RNF216: variants seen among roughly 807,000 people sequenced by gnomAD.
The protein encoded by RNF216 is E3 ubiquitin-protein ligase RNF216.
Under a neutral mutation model 110.8 loss-of-function variants are expected in RNF216, and 72 were observed. That is an observed-to-expected ratio of 0.65 (90% CI 0.54 to 0.79). RNF216 has a LOEUF of 0.79. RNF216 is among the 30% of genes least tolerant of loss of function. RNF216 has a pLI of 0.00. For missense variants in RNF216, 1,342 were observed against 1,141.2 expected, an observed-to-expected ratio of 1.18 and a Z score of -2.54; for synonymous variants, 495 against 407.5, an observed-to-expected ratio of 1.21 and a Z score of -2.59.
At position 5,644,009 on chromosome 7, in the gene RNF216, C is replaced by G. The variant is rs1177654259; in HGVS notation, c.2160-2633G>C. On this transcript the variant is annotated intron_variant, in intron 14 of 16. Transcript: ENST00000389902. The stretch of plus-strand genomic sequence containing the variant: ...TTTTCTAGGTTCACCTATGTTGTAG[C>G]ATGTATCGATACTTCATTCCTTTTT... Among the ~76,000 whole-genome samples, 5 of 152,304 alleles carry G rather than the reference C, an allele frequency of 3.3e-5. No individual in the cohort carries two copies. The South Asian group carries it at 8.3e-4, about 25-fold the overall frequency.
At chr7:5,763,706 A>T (rs1436648989) in intron 1 of RNF216, among the ~76,000 whole-genome samples, 1 of 152,014 alleles carries the variant, frequency 6.6e-6, no homozygotes, top group African/African-American at 2.4e-5. Flanking sequence ...AGTAGCTGGG[A>T]CCACAGGCAT....
At chr7:5,712,596 G>T in intron 12 of RNF216, 119 bp downstream of exon 12, 4 of 974,642 alleles carry the variant, frequency 4.1e-6, no homozygotes, top group Non-Finnish European at 4.6e-6. Context: ...TTATTTCTCA[G>T]CAAGAAATGT....
chr7:5,759,434 A>T (rs1302936409), intron 2 of RNF216, among the ~76,000 whole-genome samples: 1 of 152,142 alleles, frequency 6.6e-6, no homozygotes, highest in Non-Finnish European at 1.5e-5. Context: ...CTTCCACTTA[A>T]GGAACAGTAA....
chr7:5,769,905 C>A (rs1019427053), intron 1 of RNF216, among the ~76,000 whole-genome samples: 5 of 149,226 alleles, frequency 3.4e-5, no homozygotes, highest in African/African-American at 7.4e-5. Context: ...GGCTTGGTGG[C>A]GAGTGCTTGT....
chr7:5,731,414 C>G (rs1462382605), intron 5 of RNF216, among the ~76,000 whole-genome samples: 2 of 145,162 alleles, frequency 1.4e-5, no homozygotes, highest in African/African-American at 5.7e-5. Context: ...TTCCTATGAA[C>G]AGACTCTCTT....
At chr7:5,699,866 C>G (rs764691233) in intron 13 of RNF216, among the ~76,000 whole-genome samples, 9 of 152,300 alleles carry the variant, frequency 5.9e-5, no homozygotes, top group Non-Finnish European at 1.2e-4. Flanking sequence ...CAGAGACCCT[C>G]TGTATTCTTT....
chr7:5,760,191 T>C (rs1277387881), intron 2 of RNF216, among the ~76,000 whole-genome samples: 1 of 152,114 alleles, frequency 6.6e-6, no homozygotes, highest in African/African-American at 2.4e-5. Flanking sequence ...CTATTCCCTT[T>C]ACAAATCAAT....
chr7:5,709,757 A>T (rs1208832510), intron 13 of RNF216, among the ~76,000 whole-genome samples: 5 of 152,200 alleles, frequency 3.3e-5, no homozygotes, highest in African/African-American at 7.2e-5. Flanking sequence ...TTTATTTTTT[A>T]AATTTTTTTC....
intron 5 of RNF216, among the ~76,000 whole-genome samples, chr7:5,734,807 A>C (rs1794296155): frequency 8.6e-6 from 1 of 116,322 alleles, no homozygotes; most frequent in African/African-American, 3.0e-5. Flanking sequence ...TTGGGCGACA[A>C]GGGCAAAACT....
At chr7:5,693,162 A>G (rs1791435773) in intron 13 of RNF216, among the ~76,000 whole-genome samples, 1 of 152,240 alleles carries the variant, frequency 6.6e-6, no homozygotes, top group Non-Finnish European at 1.5e-5. Flanking sequence ...GCCCTCTGCC[A>G]ATTTTTGTAA....
At chr7:5,634,536 C>T (rs1185381438) in intron 15 of RNF216, among the ~76,000 whole-genome samples, 2 of 152,150 alleles carry the variant, frequency 1.3e-5, no homozygotes, top group East Asian at 1.9e-4. Context: ...GCACATGCTG[C>T]GCAGCTGTGG....
At chr7:5,766,382 T>C (rs774847661) in intron 1 of RNF216, among the ~76,000 whole-genome samples, 12 of 152,282 alleles carry the variant, frequency 7.9e-5, no homozygotes, top group Non-Finnish European at 1.2e-4. Flanking sequence ...CAAATTCCTA[T>C]ATTGAAGCTC....
rs575183911 is a variant in RNF216 at position 5,715,029 on chromosome 7, T to C, written c.1833+24A>G. 32 of 1,599,116 alleles carry C rather than the reference T, an allele frequency of 2.0e-5. 1 individual carries two copies. In the African/African-American group the frequency reaches 2.3e-4, roughly 11 times the overall value. On this transcript the variant is annotated intron_variant, in intron 11 of 16. Coordinates refer to ENST00000389902, the MANE Select transcript of RNF216 (RefSeq NM_207111.4). ...ACTCCAGGAATGTGTCCTATATACA[T>C]GGGACATATTACACAGTTCTTACCT...
Position 5,741,594 on chromosome 7 carries a change from T to G in RNF216, c.423A>C (p.Gly141=), listed in dbSNP as rs904241042. ...CACTTGGCTTAGTGAATTCAGAGAT[T>G]CCAGGAGGCCCAAGATCCAGAAATT... The part of the protein sequence containing the change: ...YGEFLDLGPP[G]ISEFTKPSGQ... Residue 141 remains glycine (G), a synonymous_variant, in exon 4 of 17, where the codon GGA becomes GGC. Coordinates refer to ENST00000389902, the MANE Select transcript of RNF216 (RefSeq NM_207111.4). 2 of 1,614,026 alleles carry G rather than the reference T, an allele frequency of 1.2e-6. No individual in the cohort carries two copies. The highest frequency in any genetic ancestry group is 1.7e-6 in the Non-Finnish European group (2 of 1,180,044).
intron 13 of RNF216, among the ~76,000 whole-genome samples, chr7:5,685,631 A>G (rs557369287): frequency 2.6e-5 from 4 of 152,332 alleles, no homozygotes; most frequent in Non-Finnish European, 4.4e-5. Flanking sequence ...GGCATAGTGG[A>G]AAAGGAAGTA....
At chr7:5,772,850 T>G (rs934701443) in intron 1 of RNF216, among the ~76,000 whole-genome samples, 2 of 150,406 alleles carry the variant, frequency 1.3e-5, no homozygotes, top group East Asian at 4.0e-4. Context: ...CGATCTCGGC[T>G]CACTGCAACC....
At chr7:5,652,817 G>A (rs1234600348) in intron 13 of RNF216, among the ~76,000 whole-genome samples, 1 of 152,094 alleles carries the variant, frequency 6.6e-6, no homozygotes, top group East Asian at 1.9e-4. Flanking sequence ...AGTTGGGGGA[G>A]GAGAGGGGAG....
At chr7:5,660,023 T>G (rs1789001697) in intron 13 of RNF216, among the ~76,000 whole-genome samples, 1 of 150,416 alleles carries the variant, frequency 6.6e-6, no homozygotes. Flanking sequence ...GGTGCCATTA[T>G]AGCTCACTAT....
intron 9 of RNF216, among the ~76,000 whole-genome samples, chr7:5,717,583 T>C (rs1308956877): frequency 1.3e-5 from 2 of 151,926 alleles, no homozygotes; most frequent in African/African-American, 2.4e-5. Flanking sequence ...GCACTATTTA[T>C]AATAGCAAAA....
Sources: allele counts gnomAD v4.1 joint callset (sites outside exome capture counted in the v4.1 genomes callset), GRCh38; gene constraint gnomAD v4.1.1; transcripts MANE v1.5; gene names NCBI Gene and HGNC (gene_info 2026-07-23, HGNC 2026-07-21).